Variants in CDH13 observed in about 807,000 individuals in gnomAD.
CDH13 encodes cadherin 13.
CDH13 carries 24 observed loss-of-function variants against 63.8 expected under a neutral mutation model. The ratio of observed to expected loss-of-function variants is 0.38; its 90% confidence interval spans 0.27 to 0.53. CDH13 has a LOEUF of 0.53. Among genes scored for constraint, CDH13 ranks in the 20% least tolerant of loss-of-function variants. The probability of loss-of-function intolerance (pLI) is 0.85; values close to 1 mark genes in which losing one functional copy is unlikely to be tolerated. For synonymous variants in CDH13, 503 were observed against 355.3 expected, an observed-to-expected ratio of 1.42 and a Z score of -4.67; for missense variants, 1,049 against 903.1, an observed-to-expected ratio of 1.16 and a Z score of -2.07.
chr16:83,280,399 G>A (rs952518766), intron 5 of CDH13, among the ~76,000 whole-genome samples: 1 of 152,170 alleles, frequency 6.6e-6, no homozygotes, highest in East Asian at 1.9e-4. Flanking sequence ...ATGATGAGAT[G>A]GCAGGAATTC....
At chr16:82,898,794 T>A (rs1431587019) in intron 2 of CDH13, among the ~76,000 whole-genome samples, 1 of 152,224 alleles carries the variant, frequency 6.6e-6, no homozygotes. Context: ...ATCCAGTTAT[T>A]TGGGGCTGGA....
intron 1 of CDH13, among the ~76,000 whole-genome samples, chr16:82,792,882 C>T (rs62036782): frequency 0.05 from 7,642 of 152,226 alleles, 258 homozygotes; most frequent in Middle Eastern, 0.12. Flanking sequence ...TAAGAAAGTC[C>T]ACATGAAATG....
intron 1 of CDH13, among the ~76,000 whole-genome samples, chr16:82,854,898 G>T (rs926831576): frequency 6.6e-6 from 1 of 152,050 alleles, no homozygotes; most frequent in East Asian, 1.9e-4. Context: ...ATCCTGTGTG[G>T]CACCTTTCTC....
At chr16:82,802,549 C>T (rs1227843210) in intron 1 of CDH13, among the ~76,000 whole-genome samples, 2 of 152,094 alleles carry the variant, frequency 1.3e-5, no homozygotes, top group Non-Finnish European at 2.9e-5. Flanking sequence ...ACTCTCCCTG[C>T]AGAAGCATGT....
At chr16:82,662,639 G>A (rs554946232) in intron 1 of CDH13, among the ~76,000 whole-genome samples, 1 of 152,152 alleles carries the variant, frequency 6.6e-6, no homozygotes, top group Non-Finnish European at 1.5e-5. Context: ...GTTGTTGTAG[G>A]ACAACAAATG....
intron 1 of CDH13, among the ~76,000 whole-genome samples, chr16:82,818,851 T>A (rs776338908): frequency 1.6e-4 from 25 of 152,214 alleles, no homozygotes; most frequent in Non-Finnish European, 1.0e-4. Flanking sequence ...GTTAGTGGTG[T>A]CATAACTTTG....
intron 6 of CDH13, among the ~76,000 whole-genome samples, chr16:83,369,846 G>C (rs1428822099): frequency 6.6e-6 from 1 of 152,126 alleles, no homozygotes; most frequent in Non-Finnish European, 1.5e-5. Flanking sequence ...TGAGCCTCGT[G>C]TTTGTATTCA....
intron 10 of CDH13, among the ~76,000 whole-genome samples, chr16:83,745,119 G>C (rs1471745565): frequency 6.6e-6 from 1 of 152,198 alleles, no homozygotes; most frequent in Non-Finnish European, 1.5e-5. Flanking sequence ...GGAAGCTCCT[G>C]GAGCGGTGTC....
intron 2 of CDH13, among the ~76,000 whole-genome samples, chr16:82,920,194 C>T (rs1023917293): frequency 6.6e-6 from 1 of 152,212 alleles, no homozygotes; most frequent in Admixed American, 6.5e-5. Flanking sequence ...ACTTCGTCTT[C>T]ATCTCTTTGC....
chr16:83,672,387 G>A (rs1466160324), intron 9 of CDH13, among the ~76,000 whole-genome samples: 2 of 138,280 alleles, frequency 1.4e-5, no homozygotes, highest in African/African-American at 5.3e-5. Flanking sequence ...GGTAGATAGA[G>A]TGAGGCAGCT....
At chr16:83,589,740 C>G (rs541743861) in intron 7 of CDH13, among the ~76,000 whole-genome samples, 1 of 152,224 alleles carries the variant, frequency 6.6e-6, no homozygotes, top group African/African-American at 2.4e-5. Flanking sequence ...GGGAAAATTG[C>G]TATACAGTGT....
At chr16:83,345,750 C>T (rs931071820) in intron 6 of CDH13, among the ~76,000 whole-genome samples, 9 of 152,058 alleles carry the variant, frequency 5.9e-5, no homozygotes, top group African/African-American at 2.2e-4. Flanking sequence ...CAGAAAAATT[C>T]CTCTTCGGCT....
rs149462124 is a variant in CDH13 at position 83,183,475 on chromosome 16, A to G, written c.484-33870A>G. Among the ~76,000 whole-genome samples the G allele has an allele frequency of 8.7e-3, 1,324 of 152,330 alleles. 16 individuals are homozygous for G. Among genetic ancestry groups the G allele is most frequent in the African/African-American group, 0.03 (1,226 of 41,556 alleles). On this transcript the variant is annotated intron_variant, in intron 4 of 13. Coordinates refer to ENST00000567109, the MANE Select transcript of CDH13 (RefSeq NM_001257.5). ...CTGTGAGTTATATGCTACACATGGG[A>G]ATTGGGTACGCACCAAGTCCTTTAG...
At chr16:83,108,290 C>T (rs2034883329) in intron 3 of CDH13, among the ~76,000 whole-genome samples, 1 of 152,172 alleles carries the variant, frequency 6.6e-6, no homozygotes, top group Non-Finnish European at 1.5e-5. Flanking sequence ...CCAACTCTGT[C>T]CATGCCCCAC....
intron 2 of CDH13, among the ~76,000 whole-genome samples, chr16:82,860,487 G>C (rs2039900385): frequency 6.6e-6 from 1 of 151,690 alleles, no homozygotes; most frequent in South Asian, 2.1e-4. Context: ...TGCTAAATGG[G>C]ACTAGGTTCA....
chr16:83,320,213 CTTT>C (rs113647238), intron 5 of CDH13, among the ~76,000 whole-genome samples: 18 of 145,946 alleles, frequency 1.2e-4, no homozygotes, highest in Admixed American at 8.3e-4. Context: ...ATAATTGTTC[CTTT>C]TTTTTTTTTG....
intron 5 of CDH13, among the ~76,000 whole-genome samples, chr16:83,236,699 G>C (rs2040154842): frequency 6.6e-6 from 1 of 151,984 alleles, no homozygotes; most frequent in South Asian, 2.1e-4. Context: ...AGGGAGTCCA[G>C]TAATTCATGA....
At chr16:82,714,118 C>T (rs1399359240) in intron 1 of CDH13, among the ~76,000 whole-genome samples, 3 of 152,040 alleles carry the variant, frequency 2.0e-5, no homozygotes, top group Admixed American at 1.3e-4. Flanking sequence ...TTGTTTTAAG[C>T]CACTACATTT....
At chr16:83,179,132 C>G (rs2038245194) in intron 4 of CDH13, among the ~76,000 whole-genome samples, 1 of 152,118 alleles carries the variant, frequency 6.6e-6, no homozygotes, top group Non-Finnish European at 1.5e-5. Context: ...GACTTTCAAT[C>G]CCCTTCCTTG....
Sources: gnomAD v4.1 joint callset for allele counts (sites outside exome capture counted in the v4.1 genomes callset) on GRCh38, gnomAD v4.1.1 for gene constraint, MANE v1.5 for transcripts, NCBI Gene and HGNC (gene_info 2026-07-23, HGNC 2026-07-21) for gene names.